The following SEMA5A variants were observed in gnomAD, a reference collection of about 807,000 sequenced individuals.
SEMA5A encodes the protein semaphorin 5A.
A neutral mutation model predicts 135.5 loss-of-function variants in SEMA5A; 55 were observed. The ratio of observed to expected loss-of-function variants is 0.41; its 90% CI spans 0.33 to 0.51. SEMA5A has a LOEUF of 0.51. SEMA5A is among the 20% of genes least tolerant of loss of function. The probability of loss-of-function intolerance (pLI) is 0.37; values close to 1 mark genes in which losing one functional copy is unlikely to be tolerated. For missense variants in SEMA5A, 1,290 were observed against 1,419.9 expected, an observed-to-expected ratio of 0.91 and a Z score of 1.47; for synonymous variants, 580 against 546.5, an observed-to-expected ratio of 1.06 and a Z score of -0.85.
At chr5:9,473,383 T>TAAAAAA (rs58137756) in intron 1 of SEMA5A, among the ~76,000 whole-genome samples, 2,767 of 79,626 alleles carry the variant, frequency 0.035, 317 homozygotes, top group African/African-American at 0.11. Context: ...CAATCAGTGG[T>TAAAAAA]AAAAAAAAAA....
At chr5:9,066,983 C>T (rs948436429) in intron 16 of SEMA5A, among the ~76,000 whole-genome samples, 5 of 152,110 alleles carry the variant, frequency 3.3e-5, no homozygotes, top group Middle Eastern at 3.4e-3. Context: ...CCCATTATTC[C>T]GATGTTAAGT....
At chr5:9,122,381 T>C (rs769575134) in intron 14 of SEMA5A, among the ~76,000 whole-genome samples, 19 of 152,356 alleles carry the variant, frequency 1.2e-4, no homozygotes, top group Non-Finnish European at 2.4e-4. Context: ...TTAAATAACA[T>C]GGATGTTTTC....
chr5:9,530,110 C>T (rs1275969109), intron 1 of SEMA5A, among the ~76,000 whole-genome samples: 3 of 152,364 alleles, frequency 2.0e-5, no homozygotes, highest in Non-Finnish European at 4.4e-5. Context: ...TTGTGCATAA[C>T]TCTTGCCGCT....
intron 2 of SEMA5A, among the ~76,000 whole-genome samples, chr5:9,396,240 G>A (rs1027600975): frequency 3.4e-4 from 34 of 98,566 alleles, no homozygotes; most frequent in Non-Finnish European, 5.9e-4. Flanking sequence ...TTTAATGCGC[G>A]TGCGTGCACA....
chr5:9,329,011 G>A (rs181825999), intron 4 of SEMA5A, among the ~76,000 whole-genome samples: 21 of 152,220 alleles, frequency 1.4e-4, no homozygotes, highest in African/African-American at 4.3e-4. Context: ...CAGGTGCCAC[G>A]GAGCCAAGCA....
At chr5:9,461,390 G>A (rs1292797931) in intron 1 of SEMA5A, among the ~76,000 whole-genome samples, 2 of 152,212 alleles carry the variant, frequency 1.3e-5, no homozygotes, top group Non-Finnish European at 2.9e-5. Context: ...AATGCTTACA[G>A]CAATAGCAGT....
intron 1 of SEMA5A, among the ~76,000 whole-genome samples, chr5:9,506,325 A>C (rs1440205994): frequency 1.3e-5 from 2 of 152,194 alleles, no homozygotes; most frequent in Non-Finnish European, 2.9e-5. Flanking sequence ...TTAATACATG[A>C]AGATCTAATA....
intron 11 of SEMA5A, among the ~76,000 whole-genome samples, chr5:9,165,568 A>G (rs1743559737): frequency 6.6e-6 from 1 of 152,236 alleles, no homozygotes; most frequent in South Asian, 2.1e-4. Flanking sequence ...CAAGGAGGCC[A>G]CTAACCTGGG....
In SEMA5A at chr5:9,521,208, G is replaced by A. The variant is rs532328262; in HGVS notation, c.-175+24376C>T. Among the ~76,000 whole-genome samples, 22 of 152,230 alleles carry A rather than the reference G, an allele frequency of 1.4e-4. No individual in the cohort carries two copies. In the South Asian group the frequency reaches 2.9e-3, roughly 20 times the overall value. On this transcript the variant is annotated intron_variant, in intron 1 of 22. Transcript: ENST00000382496. ...GCAGATCATTTGAGGTCAGGAGTTC[G>A]AGACCAGCCTGGCCAACATGGCGAA...
intron 16 of SEMA5A, among the ~76,000 whole-genome samples, chr5:9,104,453 CCAA>C (rs1182871775): frequency 1.3e-5 from 2 of 152,124 alleles, no homozygotes; most frequent in African/African-American, 4.8e-5. Context: ...AAGTCTTCAT[CCAA>C]CAACAATTGT....
chr5:9,360,272 C>T (rs1260941353), intron 3 of SEMA5A, among the ~76,000 whole-genome samples: 1 of 152,150 alleles, frequency 6.6e-6, no homozygotes, highest in Non-Finnish European at 1.5e-5. Flanking sequence ...GGATTTGATT[C>T]TGTAGGTGAC....
chr5:9,485,568 T>C (rs1316172239), intron 1 of SEMA5A, among the ~76,000 whole-genome samples: 1 of 152,174 alleles, frequency 6.6e-6, no homozygotes, highest in African/African-American at 2.4e-5. Context: ...TGCTCCACCC[T>C]GTGTCAAGCA....
chr5:9,403,209 AC>A (rs1210021617), intron 2 of SEMA5A, among the ~76,000 whole-genome samples: 1 of 152,098 alleles, frequency 6.6e-6, no homozygotes, highest in African/African-American at 2.4e-5. Flanking sequence ...CATTGTATAT[AC>A]CCCTTATTAT....
intron 16 of SEMA5A, among the ~76,000 whole-genome samples, 168 bp from the exon 17 acceptor site, chr5:9,066,814 A>T (rs540403995): frequency 1.1e-4 from 16 of 152,272 alleles, no homozygotes; most frequent in African/African-American, 3.9e-4. Context: ...TAGGTATTCA[A>T]CAGAATGCTC....
chr5:9,359,409 C>T (rs1352435093), intron 3 of SEMA5A, among the ~76,000 whole-genome samples: 1 of 152,210 alleles, frequency 6.6e-6, no homozygotes, highest in Non-Finnish European at 1.5e-5. Context: ...CATTGTTGAA[C>T]TTGACATTGC....
chr5:9,324,804 G>C (rs1752796442), intron 4 of SEMA5A, among the ~76,000 whole-genome samples: 1 of 152,178 alleles, frequency 6.6e-6, no homozygotes, highest in Admixed American at 6.5e-5. Context: ...ACAGAGGAGG[G>C]AAAACAATAT....
intron 5 of SEMA5A, among the ~76,000 whole-genome samples, chr5:9,306,166 C>T (rs997549423): frequency 2.0e-5 from 3 of 152,196 alleles, no homozygotes; most frequent in African/African-American, 7.2e-5. Context: ...GCTTCTTAGT[C>T]TGTGAGTTGA....
At chr5:9,111,150 T>A (rs140083847) in intron 15 of SEMA5A, among the ~76,000 whole-genome samples, 1 of 152,290 alleles carries the variant, frequency 6.6e-6, no homozygotes, top group African/African-American at 2.4e-5. Context: ...AGTTAAAATA[T>A]CTATGTGTAG....
chr5:9,279,202 A>T (rs1309540692), intron 5 of SEMA5A, among the ~76,000 whole-genome samples: 1 of 152,212 alleles, frequency 6.6e-6, no homozygotes, highest in African/African-American at 2.4e-5. Flanking sequence ...CCTGGATGCA[A>T]GACATAGAGT....
Sources: allele counts gnomAD v4.1 joint callset (sites outside exome capture counted in the v4.1 genomes callset), GRCh38; gene constraint gnomAD v4.1.1; transcripts MANE v1.5; gene names NCBI Gene and HGNC (gene_info 2026-07-23, HGNC 2026-07-21).